The following PDE1A variants were observed in gnomAD, a reference collection of about 807,000 sequenced individuals.
PDE1A encodes dual specificity calcium/calmodulin-dependent 3',5'-cyclic nucleotide phosphodiesterase 1A.
A neutral mutation model predicts 61.7 loss-of-function variants in PDE1A; 35 were observed. The observed-to-expected ratio is 0.57, with a 90% CI of 0.43 to 0.75. The LOEUF (loss-of-function observed/expected upper bound fraction) is 0.75. PDE1A is among the 30% of genes least tolerant of loss of function. The pLI is 0.00. For synonymous variants in PDE1A, 232 were observed against 213.2 expected (o/e 1.09, Z -0.77); for missense variants, 597 against 630.6 (o/e 0.95, Z 0.57).
At chr2:182,638,585 TCTC>T in the PDE1A span, among the ~76,000 whole-genome samples, 1 of 151,990 alleles carries the variant, frequency 6.6e-6, no homozygotes, top group African/African-American at 2.4e-5. Context: ...GGCTTTCTCT[TCTC>T]CTCCTGAATG....
At chr2:182,565,394 G>C in the PDE1A span, among the ~76,000 whole-genome samples, 2 of 152,160 alleles carry the variant, frequency 1.3e-5, no homozygotes, top group Non-Finnish European at 2.9e-5. Flanking sequence ...AAATGCTGCT[G>C]TCTGATTGTT....
chr2:182,644,202 C>T, the PDE1A span, among the ~76,000 whole-genome samples: 2 of 143,462 alleles, frequency 1.4e-5, no homozygotes, highest in Non-Finnish European at 3.0e-5. Context: ...TTACCAACCA[C>T]CAAAAATGAC....
chr2:182,508,048 T>C (rs557112463), intron 2 of PDE1A, among the ~76,000 whole-genome samples: 27 of 151,668 alleles, frequency 1.8e-4, no homozygotes, highest in African/African-American at 6.3e-4. Context: ...AGTTTTGTTA[T>C]AACAAGAATA....
the PDE1A span, among the ~76,000 whole-genome samples, chr2:182,547,296 A>C: frequency 6.6e-6 from 1 of 152,146 alleles, no homozygotes; most frequent in Non-Finnish European, 1.5e-5. Flanking sequence ...TTTGCTGTCC[A>C]TATGTGTCTA....
At chr2:182,569,273 A>ATATATATATATATATATATATG in the PDE1A span, among the ~76,000 whole-genome samples, 1 of 150,196 alleles carries the variant, frequency 6.7e-6, no homozygotes, top group Non-Finnish European at 1.5e-5. Flanking sequence ...ATATATATAT[A>ATATATATATATATATATATATG]TATGTATTTC....
chr2:182,679,185 A>AT, the PDE1A span, among the ~76,000 whole-genome samples: 177 of 140,962 alleles, frequency 1.3e-3, 1 homozygote, highest in African/African-American at 4.5e-3. Flanking sequence ...TATTATTATT[A>AT]TTATTATTTT....
chr2:182,276,991 T>C (rs1475950519), intron 1 of PDE1A, among the ~76,000 whole-genome samples: 1 of 152,056 alleles, frequency 6.6e-6, no homozygotes, highest in African/African-American at 2.4e-5. Flanking sequence ...CGAACGCTGT[T>C]TTCTGTTGTT....
intron 7 of PDE1A, among the ~76,000 whole-genome samples, chr2:182,223,004 T>C (rs184782040): frequency 1.3e-5 from 2 of 152,094 alleles, no homozygotes; most frequent in African/African-American, 4.8e-5. Context: ...CTAAAATTCA[T>C]GTGTTGAAGC....
intron 1 of PDE1A, among the ~76,000 whole-genome samples, chr2:182,402,819 C>A (rs1280492380): frequency 6.6e-6 from 1 of 152,058 alleles, no homozygotes; most frequent in Non-Finnish European, 1.5e-5. Flanking sequence ...AAAACTTAAA[C>A]AAATTTATAA....
intron 13 of PDE1A, among the ~76,000 whole-genome samples, chr2:182,170,746 C>T (rs989273833): frequency 3.3e-5 from 5 of 151,908 alleles, no homozygotes; most frequent in Non-Finnish European, 7.4e-5. Flanking sequence ...TGTAATAAAA[C>T]TCAGTGTATT....
upstream of PDE1A, among the ~76,000 whole-genome samples, chr2:182,527,303 TAAA>T (rs869281717): frequency 3.5e-3 from 79 of 22,802 alleles, no homozygotes; most frequent in South Asian, 7.7e-3. Context: ...CCTTTCTCTA[TAAA>T]AAAAAAAAAA....
intron 2 of PDE1A, among the ~76,000 whole-genome samples, chr2:182,454,323 C>T (rs79727193): frequency 1.0e-3 from 153 of 152,206 alleles, no homozygotes; most frequent in African/African-American, 3.3e-3. Context: ...GAATCAATAT[C>T]GTGAAAATGG....
chr2:182,572,215 A>G, the PDE1A span, among the ~76,000 whole-genome samples: 3 of 152,162 alleles, frequency 2.0e-5, no homozygotes, highest in Non-Finnish European at 4.4e-5. Context: ...TACGAAGCCC[A>G]TTTTGCATGA....
chr2:182,716,654 C>A, the PDE1A span, among the ~76,000 whole-genome samples: 14 of 152,178 alleles, frequency 9.2e-5, no homozygotes, highest in African/African-American at 3.1e-4. Flanking sequence ...TTCACACCAC[C>A]CTTCCTCTGC....
At chr2:182,373,899 T>A (rs573477580) in intron 1 of PDE1A, among the ~76,000 whole-genome samples, 2 of 152,164 alleles carry the variant, frequency 1.3e-5, no homozygotes, top group South Asian at 4.1e-4. Flanking sequence ...GATGACTTCA[T>A]TGAGTTGCCA....
Position 182,186,491 on chromosome 2 carries a change from T to G in PDE1A, c.1305A>C (p.Glu435Asp), listed in dbSNP as rs1169022964. 5.6e-6 allele frequency: 9 copies of G among 1,612,568 alleles called. No homozygotes were observed. The East Asian group carries it at 2.0e-4, about 36-fold the overall frequency. Residue 435 changes from glutamate (E) to aspartate (D), a missense_variant, in exon 12 of 14, where the codon GAA (glutamate) becomes GAC (aspartate). Transcript: ENST00000351439. ...ACCTGCTTGCCACATAGGAAGAAGT[T>G]TCGGCTTTTGAGGCTTCCTCTATAA...
chr2:182,506,227 C>T (rs978912955), intron 2 of PDE1A, among the ~76,000 whole-genome samples: 5 of 152,162 alleles, frequency 3.3e-5, no homozygotes, highest in Non-Finnish European at 7.4e-5. Flanking sequence ...AGAAAGCAAT[C>T]TGATCGAATT....
At chr2:182,667,798 G>T in the PDE1A span, among the ~76,000 whole-genome samples, 1 of 152,168 alleles carries the variant, frequency 6.6e-6, no homozygotes, top group Non-Finnish European at 1.5e-5. Flanking sequence ...TTCCAAAACT[G>T]CAACCCAAAA....
chr2:182,214,236 G>A (rs1023485001), intron 7 of PDE1A, among the ~76,000 whole-genome samples: 17 of 151,292 alleles, frequency 1.1e-4, no homozygotes, highest in Non-Finnish European at 1.9e-4. Context: ...TCACCACCAG[G>A]CCTGCCCTAA....
Sources: gnomAD v4.1 joint callset for allele counts (sites outside exome capture counted in the v4.1 genomes callset) on GRCh38, gnomAD v4.1.1 for gene constraint, MANE v1.5 for transcripts, NCBI Gene and HGNC (gene_info 2026-07-23, HGNC 2026-07-21) for gene names.